The following SPECC1 variants were observed in gnomAD, a reference collection of about 807,000 sequenced individuals.
The protein encoded by SPECC1 is cytospin-B.
Under a neutral mutation model 104.1 loss-of-function variants are expected in SPECC1, and 62 were observed. The observed-to-expected ratio is 0.60, with a 90% CI of 0.49 to 0.74. SPECC1 has a LOEUF of 0.74. Among genes scored for constraint, SPECC1 ranks in the 30% least tolerant of loss-of-function variants. The pLI, the probability that SPECC1 is intolerant of heterozygous loss-of-function variation, is 0.00. For missense variants in SPECC1, 1,306 were observed against 1,310.5 expected (o/e 1.00, Z 0.05); for synonymous variants, 513 against 501.6 (o/e 1.02, Z -0.30).
intron 1 of SPECC1, among the ~76,000 whole-genome samples, chr17:20,095,343 T>G (rs1455925165): frequency 6.6e-6 from 1 of 152,242 alleles, no homozygotes; most frequent in Non-Finnish European, 1.5e-5. Flanking sequence ...TAGTTTTCCT[T>G]GGAAACACTG....
chr17:20,020,994 A>G (rs1229630036), intron 1 of SPECC1, among the ~76,000 whole-genome samples: 1 of 152,250 alleles, frequency 6.6e-6, no homozygotes, highest in Non-Finnish European at 1.5e-5. Flanking sequence ...TAAACAGTCA[A>G]TTAACATTTA....
At chr17:20,217,966 A>G (rs1330919483) in intron 4 of SPECC1, among the ~76,000 whole-genome samples, 1 of 152,146 alleles carries the variant, frequency 6.6e-6, no homozygotes, top group Non-Finnish European at 1.5e-5. Flanking sequence ...CAGGAGATAG[A>G]GGCTGCAATG....
At position 20,162,911 on chromosome 17, in the gene SPECC1, C is replaced by G. The variant is rs148724706; in HGVS notation, c.284-41422C>G. Among the ~76,000 whole-genome samples the G allele has an allele frequency of 3.7e-3, 562 of 152,264 alleles. 5 individuals are homozygous for G. The highest frequency in any genetic ancestry group is 0.012 in the African/African-American group (515 of 41,548). On this transcript the variant is annotated intron_variant, in intron 3 of 14. Coordinates refer to ENST00000395527, the MANE Select transcript of SPECC1 (RefSeq NM_001243439.2). ...GGCATGGTGGCACATGCCTGTAATC[C>G]CAGCTACTTGGGAGGCTGAGGCAGG...
intron 1 of SPECC1, among the ~76,000 whole-genome samples, chr17:20,032,694 A>G (rs2044866524): frequency 6.6e-6 from 1 of 151,492 alleles, no homozygotes; most frequent in Non-Finnish European, 1.5e-5. Context: ...TCCTTTTTTA[A>G]TCACGCTTTT....
At chr17:20,220,227 A>G (rs773628755) in intron 4 of SPECC1, among the ~76,000 whole-genome samples, 2 of 152,016 alleles carry the variant, frequency 1.3e-5, no homozygotes, top group Admixed American at 6.6e-5. Context: ...TGGTATTTTG[A>G]TAGGGATTGC....
chr17:20,184,181 CAAAA>C (rs759475722), intron 3 of SPECC1, among the ~76,000 whole-genome samples: 4 of 44,222 alleles, frequency 9.0e-5, no homozygotes, highest in Non-Finnish European at 1.5e-4. Flanking sequence ...ACTCCTGTCT[CAAAA>C]AAAAAAAAAA....
At chr17:20,067,520 A>G (rs1223528684) in intron 1 of SPECC1, 2 of 152,044 alleles carry the variant, frequency 1.3e-5, no homozygotes, top group Admixed American at 6.5e-5. Context: ...TACTGCATAC[A>G]CTTTACAATT....
At chr17:20,048,260 A>T (rs953058979) in intron 1 of SPECC1, among the ~76,000 whole-genome samples, 53 of 151,534 alleles carry the variant, frequency 3.5e-4, no homozygotes, top group African/African-American at 1.2e-3. Context: ...CAGCTTCCCA[A>T]GTAGCTGGGA....
At chr17:20,082,291 A>G (rs1187627278) in intron 1 of SPECC1, among the ~76,000 whole-genome samples, 1 of 152,140 alleles carries the variant, frequency 6.6e-6, no homozygotes, top group African/African-American at 2.4e-5. Context: ...TAGGTCTTAA[A>G]CAAAAGACAT....
rs372392349 is a variant in SPECC1 at position 20,253,600 on chromosome 17, A to G, written c.2680+14A>G. 1.9e-6 allele frequency: 3 copies of G among 1,612,854 alleles called. No individual in the cohort carries two copies. The highest frequency in any genetic ancestry group is 1.7e-4 in the Middle Eastern group (1 of 5,878). The stretch of plus-strand genomic sequence containing the variant: ...TTCCCCTCTCAGGTAAATTATGTCA[A>G]CATAAAGAACTTTTGACTTATCTTT... On this transcript the variant is annotated intron_variant, in intron 10 of 14. Coordinates refer to ENST00000395527, the MANE Select transcript of SPECC1 (RefSeq NM_001243439.2).
At chr17:20,210,299 AG>A (rs1177446999) in intron 4 of SPECC1, among the ~76,000 whole-genome samples, 2 of 152,214 alleles carry the variant, frequency 1.3e-5, no homozygotes, top group Admixed American at 6.5e-5. Flanking sequence ...GGCTTGAGCC[AG>A]GGGACACTCC....
intron 1 of SPECC1, among the ~76,000 whole-genome samples, chr17:20,054,450 C>T (rs1304195940): frequency 1.3e-5 from 2 of 152,036 alleles, no homozygotes; most frequent in African/African-American, 2.4e-5. Context: ...AACTGTTTGA[C>T]GCTTTCTCTA....
At chr17:20,056,204 A>AT (rs374412416) in intron 1 of SPECC1, 205 of 152,354 alleles carry the variant, frequency 1.3e-3, no homozygotes, top group African/African-American at 4.9e-3. Flanking sequence ...TTAGAGCAGA[A>AT]TACCAAAATA....
chr17:20,062,802 C>T (rs1279619866), intron 1 of SPECC1, among the ~76,000 whole-genome samples: 1 of 151,848 alleles, frequency 6.6e-6, no homozygotes, highest in East Asian at 1.9e-4. Flanking sequence ...GAGTCTCCTG[C>T]CTCAGCCTCC....
intron 1 of SPECC1, among the ~76,000 whole-genome samples, chr17:20,027,615 T>C (rs941137568): frequency 6.6e-6 from 1 of 152,176 alleles, no homozygotes; most frequent in African/African-American, 2.4e-5. Context: ...TGGTGAGAGA[T>C]AGGGGTCTAG....
intron 3 of SPECC1, among the ~76,000 whole-genome samples, chr17:20,181,938 C>T (rs1378603540): frequency 6.6e-6 from 1 of 151,928 alleles, no homozygotes; most frequent in Non-Finnish European, 1.5e-5. Flanking sequence ...ATTGTCCTTC[C>T]CAAGTAGCCT....
intron 3 of SPECC1, among the ~76,000 whole-genome samples, chr17:20,165,778 G>C (rs996398984): frequency 9.2e-5 from 14 of 152,134 alleles, no homozygotes; most frequent in Non-Finnish European, 4.4e-5. Flanking sequence ...GTTTTGATGT[G>C]CATTTTTCTA....
intron 1 of SPECC1, among the ~76,000 whole-genome samples, chr17:20,042,843 C>A (rs2045387687): frequency 1.3e-5 from 2 of 152,096 alleles, no homozygotes; most frequent in Non-Finnish European, 2.9e-5. Flanking sequence ...CTGGGTTGTT[C>A]TGTGGGCCTC....
chr17:20,152,126 C>G (rs1248730452), intron 3 of SPECC1, among the ~76,000 whole-genome samples: 1 of 151,816 alleles, frequency 6.6e-6, no homozygotes, highest in South Asian at 2.1e-4. Context: ...CATGGTGAAA[C>G]CCCATCTCTA....
Sources: gnomAD v4.1 joint callset for allele counts (sites outside exome capture counted in the v4.1 genomes callset) on GRCh38, gnomAD v4.1.1 for gene constraint, MANE v1.5 for transcripts, NCBI Gene and HGNC (gene_info 2026-07-23, HGNC 2026-07-21) for gene names.